The following CNIH3 variants were observed in gnomAD, a reference collection of about 807,000 sequenced individuals.
CNIH3 encodes the protein cornichon family AMPA receptor auxiliary protein 3, also known as protein cornichon homolog 3.
Under a neutral mutation model 24.1 loss-of-function variants are expected in CNIH3, and 14 were observed. The observed-to-expected ratio is 0.58, with a 90% CI of 0.38 to 0.91. The LOEUF is 0.91. CNIH3 is among the 40% of genes least tolerant of loss of function. The pLI, the probability that CNIH3 is intolerant of heterozygous loss-of-function variation, is 0.00. For synonymous variants in CNIH3, 68 were observed against 73.8 expected, an observed-to-expected ratio of 0.92 and a Z score of 0.40; for missense variants, 178 against 196.8, an observed-to-expected ratio of 0.90 and a Z score of 0.57.
rs904802214 is a variant in CNIH3 at position 224,459,167 on chromosome 1, C to T, written n.203+24305C>T. ...GGACATCCAGGGCCCCTCTCTTTGCCTTCCCCTCTTTCTTCCTTCTACTGC... is the reference window on the plus strand; with the variant it reads ...GGACATCCAGGGCCCCTCTCTTTGCTTTCCCCTCTTTCTTCCTTCTACTGC... On this transcript the variant is annotated intron_variant and non_coding_transcript_variant, in intron 1 of 5. Transcript: ENST00000471578. 3.1e-6 allele frequency: 3 copies of T among 958,246 alleles called. No individual in the cohort carries two copies. In the African/African-American group the frequency reaches 5.4e-5, roughly 17 times the overall value. 59.4% of individuals were successfully genotyped at this position (958,246 alleles called of 1,614,324 possible).
intron 1 of CNIH3, among the ~76,000 whole-genome samples, chr1:224,625,619 C>T (rs987398814): frequency 6.6e-6 from 1 of 152,212 alleles, no homozygotes; most frequent in East Asian, 1.9e-4. Flanking sequence ...CTTGGTAGCT[C>T]TCTCTGTGTA....
chr1:224,587,080 G>C (rs1390077564), intron 5 of CNIH3: 3 of 152,260 alleles, frequency 2.0e-5, no homozygotes. Flanking sequence ...TTGTGTGGAA[G>C]CAGCAGGACA....
chr1:224,580,355 A>G (rs976233735), intron 4 of CNIH3, among the ~76,000 whole-genome samples: 1 of 152,100 alleles, frequency 6.6e-6, no homozygotes, highest in African/African-American at 2.4e-5. Flanking sequence ...GCCTCCACCA[A>G]TGTAGAGGTT....
At chr1:224,695,942 C>G (rs1264332588) in intron 3 of CNIH3, among the ~76,000 whole-genome samples, 1 of 152,222 alleles carries the variant, frequency 6.6e-6, no homozygotes, top group Non-Finnish European at 1.5e-5. Context: ...TAATATCCTT[C>G]TCCTCTCATT....
intron 1 of CNIH3, among the ~76,000 whole-genome samples, chr1:224,473,304 A>G (rs1024579001): frequency 2.8e-5 from 4 of 144,108 alleles, no homozygotes; most frequent in African/African-American, 5.1e-5. Flanking sequence ...AAACAACAAA[A>G]TGACAGGAAT....
At chr1:224,674,231 T>A (rs1572700815) in intron 1 of CNIH3, among the ~76,000 whole-genome samples, 1 of 144,066 alleles carries the variant, frequency 6.9e-6, no homozygotes, top group Non-Finnish European at 1.5e-5. Flanking sequence ...CATTAGCTAA[T>A]GCACATTGAC....
chr1:224,622,054 T>C (rs976302611), intron 1 of CNIH3, among the ~76,000 whole-genome samples: 3 of 152,226 alleles, frequency 2.0e-5, no homozygotes, highest in African/African-American at 7.2e-5. Flanking sequence ...GCCATGATCA[T>C]GAGGCCTCCT....
At chr1:224,559,369 C>T (rs1383008984) in intron 3 of CNIH3, among the ~76,000 whole-genome samples, 4 of 152,052 alleles carry the variant, frequency 2.6e-5, no homozygotes, top group Non-Finnish European at 5.9e-5. Flanking sequence ...TTCACTTATT[C>T]TCTGTTACAC....
At chr1:224,622,516 AT>A (rs1683331253) in intron 1 of CNIH3, among the ~76,000 whole-genome samples, 1 of 152,220 alleles carries the variant, frequency 6.6e-6, no homozygotes, top group Non-Finnish European at 1.5e-5. Context: ...TTACGTCATC[AT>A]TGTATTTCCA....
intron 1 of CNIH3, among the ~76,000 whole-genome samples, chr1:224,663,323 G>A (rs986738338): frequency 2.6e-5 from 4 of 152,052 alleles, no homozygotes; most frequent in Non-Finnish European, 4.4e-5. Context: ...CAAGCAGGCC[G>A]CAATGTGGGA....
intron 3 of CNIH3, among the ~76,000 whole-genome samples, chr1:224,725,699 C>T (rs1056252707): frequency 1.3e-4 from 20 of 152,316 alleles, no homozygotes; most frequent in Admixed American, 3.9e-4. Context: ...CAGGAGCAGA[C>T]GGATCTCCAA....
At chr1:224,553,366 T>C (rs896791592) in intron 3 of CNIH3, among the ~76,000 whole-genome samples, 7 of 152,040 alleles carry the variant, frequency 4.6e-5, no homozygotes, top group African/African-American at 1.7e-4. Context: ...TTTTCTGCCG[T>C]CCTTGCCTGG....
chr1:224,590,821 C>G (rs554341588), downstream of CNIH3, among the ~76,000 whole-genome samples: 2 of 109,572 alleles, frequency 1.8e-5, no homozygotes, highest in Admixed American at 2.2e-4. Context: ...GCCCCCGCAA[C>G]CCACCCAAGA....
At chr1:224,498,212 A>C (rs1329703767) in intron 1 of CNIH3, among the ~76,000 whole-genome samples, 2 of 152,180 alleles carry the variant, frequency 1.3e-5, no homozygotes, top group East Asian at 3.8e-4. Flanking sequence ...GGAAGAGAAA[A>C]TCAGGACAAT....
chr1:224,621,236 G>A (rs897498928), intron 1 of CNIH3, among the ~76,000 whole-genome samples: 3 of 152,226 alleles, frequency 2.0e-5, no homozygotes, highest in Non-Finnish European at 2.9e-5. Context: ...CCTGGACAGG[G>A]ATGACATACA....
At chr1:224,529,601 C>T (rs1422412277) in intron 2 of CNIH3, among the ~76,000 whole-genome samples, 1 of 152,184 alleles carries the variant, frequency 6.6e-6, no homozygotes, top group Non-Finnish European at 1.5e-5. Context: ...ACACACAACC[C>T]TAGTGAACTT....
At chr1:224,494,339 G>A (rs1356341357) in intron 1 of CNIH3, among the ~76,000 whole-genome samples, 1 of 152,062 alleles carries the variant, frequency 6.6e-6, no homozygotes, top group African/African-American at 2.4e-5. Context: ...CAGCATGCTG[G>A]GTCCTCTTGA....
At chr1:224,574,764 C>A in intron 4 of CNIH3, 2 of 1,115,558 alleles carry the variant, frequency 1.8e-6, no homozygotes, top group Non-Finnish European at 1.4e-6. Flanking sequence ...CTACCTTATT[C>A]GCTGGCCAAC....
At chr1:224,476,973 G>T (rs1180130695) in intron 1 of CNIH3, among the ~76,000 whole-genome samples, 1 of 152,142 alleles carries the variant, frequency 6.6e-6, no homozygotes, top group Admixed American at 6.5e-5. Flanking sequence ...GCAGTTACAG[G>T]CCTCACCCTG....
Sources: allele counts gnomAD v4.1 joint callset (sites outside exome capture counted in the v4.1 genomes callset), GRCh38; gene constraint gnomAD v4.1.1; transcripts MANE v1.5; gene names NCBI Gene and HGNC (gene_info 2026-07-23, HGNC 2026-07-21).